The following COL4A1 variants were observed in gnomAD, a reference collection of about 807,000 sequenced individuals.
COL4A1 encodes collagen alpha-1(IV) chain.
Under a neutral mutation model 216.6 loss-of-function variants are expected in COL4A1, and 40 were observed. That is an observed-to-expected ratio of 0.18 (90% confidence interval 0.14 to 0.24). The LOEUF (loss-of-function observed/expected upper bound fraction) is 0.24. Ranked by LOEUF, COL4A1 falls within the 10% of genes least tolerant of loss-of-function variation. The pLI, the probability that COL4A1 is intolerant of heterozygous loss-of-function variation, is 1.00. For synonymous variants in COL4A1, 839 were observed against 810.7 expected (o/e 1.03, Z -0.59); for missense variants, 1,628 against 2,196.8 (o/e 0.74, Z 5.18).
intron 1 of COL4A1, among the ~76,000 whole-genome samples, chr13:110,263,465 A>G (rs1882906230): frequency 6.6e-6 from 1 of 152,124 alleles, no homozygotes; most frequent in South Asian, 2.1e-4. Flanking sequence ...TTATTTTAAA[A>G]TTTTGGCATA....
chr13:110,288,294 A>ATAT (rs1566446094), intron 1 of COL4A1, among the ~76,000 whole-genome samples: 23 of 151,202 alleles, frequency 1.5e-4, no homozygotes, highest in African/African-American at 5.1e-4. Context: ...AATAATAATA[A>ATAT]TAATTAAGCC....
chr13:110,159,958 T>C (rs1332733486), intron 49 of COL4A1, among the ~76,000 whole-genome samples: 1 of 151,964 alleles, frequency 6.6e-6, no homozygotes, highest in African/African-American at 2.4e-5. Context: ...GCAGGAGGGA[T>C]GTGGAGTCAG....
At chr13:110,189,218 C>A (rs1878527366) in intron 24 of COL4A1, among the ~76,000 whole-genome samples, 1 of 152,214 alleles carries the variant, frequency 6.6e-6, no homozygotes, top group Non-Finnish European at 1.5e-5. Flanking sequence ...CATACGCCAC[C>A]ACACCCAGTT....
chr13:110,164,791 G>A (rs1877258022), intron 46 of COL4A1, 71 bp downstream of exon 46: 1 of 1,580,996 alleles, frequency 6.3e-7, no homozygotes, highest in Non-Finnish European at 8.6e-7. Flanking sequence ...TAGATACATG[G>A]GTGAGGAGGA....
chr13:110,296,150 T>C (rs1884265999), intron 1 of COL4A1, among the ~76,000 whole-genome samples: 1 of 152,268 alleles, frequency 6.6e-6, no homozygotes, highest in Non-Finnish European at 1.5e-5. Context: ...GTGGCTATGA[T>C]GGATCTCATG....
At chr13:110,304,656 C>T (rs918191643) in intron 1 of COL4A1, among the ~76,000 whole-genome samples, 10 of 152,076 alleles carry the variant, frequency 6.6e-5, no homozygotes, top group African/African-American at 2.2e-4. Flanking sequence ...GTAGGTTCAG[C>T]GTGGGATAAA....
chr13:110,255,551 GA>G (rs1453484097), intron 1 of COL4A1, among the ~76,000 whole-genome samples: 12 of 89,518 alleles, frequency 1.3e-4, no homozygotes, highest in Non-Finnish European at 7.1e-5. Context: ...GAAAGGAAGG[GA>G]AGGGGGCAGG....
intron 36 of COL4A1, among the ~76,000 whole-genome samples, chr13:110,176,101 C>G (rs1169966158): frequency 6.6e-6 from 1 of 152,246 alleles, no homozygotes; most frequent in Admixed American, 6.5e-5. Context: ...CTCAGGCTGA[C>G]AAGCCTGGAT....
chr13:110,247,857 G>A (rs1881898804), intron 1 of COL4A1, among the ~76,000 whole-genome samples: 1 of 144,690 alleles, frequency 6.9e-6, no homozygotes, highest in African/African-American at 2.5e-5. Flanking sequence ...GGGAGGGAGG[G>A]AGGGAGGGGA....
intron 43 of COL4A1, 132 bp downstream of exon 43, chr13:110,169,497 A>ACACAC (rs1877503781): frequency 2.3e-5 from 27 of 1,184,766 alleles, no homozygotes; most frequent in Non-Finnish European, 2.9e-5. Flanking sequence ...GTGGGAGTGT[A>ACACAC]ACACACACAC....
chr13:110,167,359 C>T, intron 43 of COL4A1, 129 bp from the exon 44 acceptor site: 1 of 777,484 alleles, frequency 1.3e-6, no homozygotes, highest in Non-Finnish European at 2.3e-6. Flanking sequence ...ACAAATGGTG[C>T]CTTGTGGTTT....
chr13:110,175,205 G>T lies in COL4A1; in HGVS notation c.3198+13C>A. 6.2e-7 allele frequency: 1 copy of T among 1,614,192 alleles called. No individual in the cohort carries two copies. Among genetic ancestry groups the T allele is most frequent in the South Asian group, 1.1e-5 (1 of 91,078 alleles). ...TGGGAGAAGGGGACCTTTCCACGCA[G>T]AGCGCTGGTTACCTTTTCACCTCGC... On this transcript the variant is annotated intron_variant, in intron 37 of 51. Transcript: ENST00000375820.
chr13:110,271,816 T>G (rs975644884), intron 1 of COL4A1, among the ~76,000 whole-genome samples: 7 of 152,242 alleles, frequency 4.6e-5, no homozygotes, highest in Non-Finnish European at 5.9e-5. Flanking sequence ...CATTGTTCTG[T>G]GGTTTTGTAA....
At chr13:110,184,447 C>A (rs1217644328) in intron 26 of COL4A1, among the ~76,000 whole-genome samples, 1 of 152,206 alleles carries the variant, frequency 6.6e-6, no homozygotes, top group Non-Finnish European at 1.5e-5. Flanking sequence ...TCACCGAAGT[C>A]CTCCTCCATC....
At chr13:110,158,312 AG>A (rs1876888735) in intron 49 of COL4A1, among the ~76,000 whole-genome samples, 1 of 152,248 alleles carries the variant, frequency 6.6e-6, no homozygotes, top group African/African-American at 2.4e-5. Context: ...CCTACATAGG[AG>A]GCACCTTCCA....
chr13:110,197,399 C>T (rs1329683572), intron 21 of COL4A1, among the ~76,000 whole-genome samples: 1 of 152,196 alleles, frequency 6.6e-6, no homozygotes, highest in African/African-American at 2.4e-5. Context: ...CAGGCACTCC[C>T]TTCCCCGCTG....
intron 1 of COL4A1, among the ~76,000 whole-genome samples, chr13:110,289,743 C>G (rs1273575904): frequency 6.6e-6 from 1 of 152,228 alleles, no homozygotes; most frequent in Non-Finnish European, 1.5e-5. Context: ...ACCAACATCT[C>G]AGGTTCCTGA....
At chr13:110,249,756 C>A (rs1352487583) in intron 1 of COL4A1, among the ~76,000 whole-genome samples, 2 of 152,000 alleles carry the variant, frequency 1.3e-5, no homozygotes, top group Admixed American at 6.6e-5. Context: ...ATTAGCTCCC[C>A]AAAAAAGTGT....
At chr13:110,167,331 T>TTTCCAGAACATTGA in intron 43 of COL4A1, 101 bp from the exon 44 acceptor site, 2 of 892,284 alleles carry the variant, frequency 2.2e-6, no homozygotes, top group Non-Finnish European at 1.9e-6. Flanking sequence ...CTCAATGTTC[T>TTTCCAGAACATTGA]GGAAAGCACA....
Sources: allele counts gnomAD v4.1 joint callset (sites outside exome capture counted in the v4.1 genomes callset), GRCh38; gene constraint gnomAD v4.1.1; transcripts MANE v1.5; gene names NCBI Gene and HGNC (gene_info 2026-07-23, HGNC 2026-07-21).